WWP2: variants seen among roughly 807,000 people sequenced by gnomAD.
The protein encoded by WWP2 is WW domain containing E3 ubiquitin protein ligase 2.
WWP2 carries 57 observed loss-of-function variants against 121.0 expected under a neutral mutation model. The ratio of observed to expected loss-of-function variants is 0.47; its 90% CI spans 0.38 to 0.59. The LOEUF (loss-of-function observed/expected upper bound fraction) is 0.59. Ranked by LOEUF, WWP2 falls within the 20% of genes least tolerant of loss-of-function variation. The pLI is 0.00. For missense variants in WWP2, 962 were observed against 1,158.9 expected (o/e 0.83, Z 2.47); for synonymous variants, 449 against 441.3 (o/e 1.02, Z -0.22).
intron 8 of WWP2, among the ~76,000 whole-genome samples, chr16:69,889,394 G>C (rs964886239): frequency 1.3e-5 from 2 of 152,218 alleles, no homozygotes; most frequent in African/African-American, 4.8e-5. Context: ...AAGCCAAAGG[G>C]AAGTTCAAGT....
At chr16:69,880,944 T>C (rs2057817322) in intron 7 of WWP2, among the ~76,000 whole-genome samples, 1 of 152,216 alleles carries the variant, frequency 6.6e-6, no homozygotes, top group South Asian at 2.1e-4. Context: ...GGACTGGCAG[T>C]GTCTCTAGGA....
At chr16:69,791,288 C>T (rs1246739454) in intron 2 of WWP2, among the ~76,000 whole-genome samples, 3 of 151,030 alleles carry the variant, frequency 2.0e-5, no homozygotes, top group African/African-American at 7.3e-5. Context: ...AGTGCAGTGG[C>T]GTGATCTTGG....
At chr16:69,817,057 A>T (rs2056506500) in intron 4 of WWP2, among the ~76,000 whole-genome samples, 1 of 152,238 alleles carries the variant, frequency 6.6e-6, no homozygotes, top group Non-Finnish European at 1.5e-5. Context: ...TCTGTTATTC[A>T]GACCTAATCC....
In WWP2 at chr16:69,840,138, A is replaced by C. The variant is rs1466679267; in HGVS notation, c.353A>C (p.Gln118Pro). 6.2e-7 allele frequency: 1 copy of C among 1,614,248 alleles called. No individual in the cohort carries two copies. The highest frequency in any genetic ancestry group is 1.3e-5 in the African/African-American group (1 of 75,074). The change falls in exon 5 of 24, where the codon CAG becomes CCG. Residue 118 changes from glutamine to proline, a missense_variant. By Grantham distance (76) the Gln-to-Pro change is moderately conservative. Around this residue, in one of 3 missense-constraint regions of WWP2, gnomAD observed 145 missense variants for 189.8 expected, o/e 0.76. Coordinates refer to ENST00000359154, the MANE Select transcript of WWP2 (RefSeq NM_001270454.2). The stretch of plus-strand genomic sequence containing the variant: ...TTGTACCCCACAGTGGAGAACATGC[A>C]GCTGACCCTGAACCTGCAGACGGAG... Reference protein sequence around the residue: ...KNNGGKMENMQLTLNLQTENK... With the variant: ...KNNGGKMENMPLTLNLQTENK...
In WWP2 at chr16:69,917,385, A is replaced by G. The variant is rs944123792; in HGVS notation, c.1005-324A>G. 2.0e-5 allele frequency among the ~76,000 whole-genome samples: 3 copies of G among 152,222 alleles called. No individual in the cohort carries two copies. The East Asian group carries it at 5.8e-4, about 29-fold the overall frequency. On this transcript the variant is annotated intron_variant, in intron 9 of 23. Coordinates refer to ENST00000359154, the MANE Select transcript of WWP2 (RefSeq NM_001270454.2). ...AACTATTATTTTTCCTAGATTTGCT[A>G]GCAGATGTCCTGAGATTGGCTGTGG...
intron 6 of WWP2, among the ~76,000 whole-genome samples, chr16:69,854,204 G>A (rs1344952891): frequency 6.6e-6 from 1 of 152,236 alleles, no homozygotes; most frequent in African/African-American, 2.4e-5. Context: ...GAGTATGGGT[G>A]TTGGAGAAAT....
Position 69,939,112 on chromosome 16 carries a change from C to G in WWP2, c.2429C>G (p.Ala810Gly). The stretch of plus-strand genomic sequence containing the variant: ...TGCCGCCTGCCCGTCGGGGGATTTG[C>G]CGAACTCATCGGTATGTTTTCTCTC... ...GTCRLPVGGF[A>G]ELIGSNGPQK... The change falls in exon 22 of 24, where the codon GCC (alanine) becomes GGC (glycine). Residue 810 changes from alanine to glycine, a missense_variant. Coordinates refer to ENST00000359154, the MANE Select transcript of WWP2 (RefSeq NM_001270454.2). The G allele has an allele frequency of 6.3e-7, 1 of 1,599,612 alleles. No homozygotes were observed. The highest frequency in any genetic ancestry group is 1.1e-5 in the South Asian group (1 of 89,034).
chr16:69,940,220 C>T lies in WWP2; in HGVS notation c.*280C>T. The T allele has an allele frequency of 2.1e-6, 1 of 466,216 alleles. No homozygotes were observed. The highest frequency in any genetic ancestry group is 3.8e-5 in the East Asian group (1 of 26,440). The allele number at this position is 466,216 out of a possible 1,614,324, so 28.9% of individuals were successfully genotyped here. ...CCCTCTCTGCAAAACTCTCCCCTGT[C>T]CTCTAGACCCCACCCTGGGTGTATG... On this transcript the variant is annotated 3_prime_UTR_variant, in exon 24 of 24. Coordinates refer to ENST00000359154, the MANE Select transcript of WWP2 (RefSeq NM_001270454.2).
intron 4 of WWP2, among the ~76,000 whole-genome samples, chr16:69,835,140 G>C (rs1474783964): frequency 6.6e-6 from 1 of 152,090 alleles, no homozygotes; most frequent in Non-Finnish European, 1.5e-5. Flanking sequence ...TCTTGATTTT[G>C]AGCAATGCCT....
intron 10 of WWP2, among the ~76,000 whole-genome samples, chr16:69,923,448 A>G (rs1181340302): frequency 1.3e-5 from 2 of 152,192 alleles, no homozygotes; most frequent in Non-Finnish European, 2.9e-5. Flanking sequence ...GGATTCAGAA[A>G]AGGGCTGATC....
At chr16:69,793,464 C>T (rs2055957202) in intron 2 of WWP2, among the ~76,000 whole-genome samples, 1 of 152,120 alleles carries the variant, frequency 6.6e-6, no homozygotes, top group South Asian at 2.1e-4. Context: ...TCACTCAGAT[C>T]AGTCTTCCTG....
intron 2 of WWP2, among the ~76,000 whole-genome samples, chr16:69,797,545 T>C (rs2056072760): frequency 6.6e-6 from 1 of 152,126 alleles, no homozygotes; most frequent in African/African-American, 2.4e-5. Flanking sequence ...AGAGGGTCTT[T>C]AATAAGTACT....
At chr16:69,812,923 G>T (rs938726148) in intron 4 of WWP2, among the ~76,000 whole-genome samples, 2 of 152,164 alleles carry the variant, frequency 1.3e-5, no homozygotes, top group Non-Finnish European at 2.9e-5. Context: ...TTGAGACTGT[G>T]TAAATGTCTA....
chr16:69,797,331 G>A (rs1487581987), intron 2 of WWP2, among the ~76,000 whole-genome samples: 3 of 152,150 alleles, frequency 2.0e-5, no homozygotes, highest in Non-Finnish European at 4.4e-5. Flanking sequence ...GAACAAATAA[G>A]TAAAGTTCAA....
chr16:69,937,800 T>C lies in WWP2; in HGVS notation c.2343+148T>C, dbSNP rs2058822506. Reference sequence around the variant, plus strand: ...GCAAAAGGAGACGATAGACCAGCCTTGGGATGAACGGGGACAGTTCCAGCT... The same window carrying C: ...GCAAAAGGAGACGATAGACCAGCCTCGGGATGAACGGGGACAGTTCCAGCT... On this transcript the variant is annotated intron_variant, in intron 21 of 23. Transcript: ENST00000359154. This position sits in a 1 kb window ranked among gnomAD's most constrained non-coding sequence, Gnocchi z 6.6. The C allele has an allele frequency of 1.4e-6, 1 of 717,768 alleles. No individual in the cohort carries two copies. Among genetic ancestry groups the C allele is most frequent in the South Asian group, 1.8e-5 (1 of 55,478 alleles). The allele number at this position is 717,768 out of a possible 1,614,324, so 44.5% of individuals were successfully genotyped here.
At chr16:69,884,238 T>C (rs572125667) in intron 7 of WWP2, among the ~76,000 whole-genome samples, 3 of 152,352 alleles carry the variant, frequency 2.0e-5, no homozygotes, top group African/African-American at 7.2e-5. Context: ...TCTTAGAATG[T>C]TCCCATAGTA....
rs201160544 is a variant in WWP2, at chr16:69,840,175, C to T, written c.390C>T (p.Ser130=). The change falls in exon 5 of 24, where the codon AGC becomes AGT. Residue 130 remains serine (S), a synonymous_variant. Transcript: ENST00000359154. ...ACCTGCAGACGGAGAACAAAGGCAG[C>T]GTTGTCTCAGGCGGAGAGCTGACAA... The part of the protein sequence containing the change: ...TLNLQTENKG[S]VVSGGELTIF... 27 of 1,614,124 alleles carry T rather than the reference C, an allele frequency of 1.7e-5. No homozygotes were observed. The highest frequency in any genetic ancestry group is 6.7e-5 in the Admixed American group (4 of 60,010).
intron 10 of WWP2, among the ~76,000 whole-genome samples, chr16:69,923,571 G>A (rs137987086): frequency 6.6e-6 from 1 of 152,128 alleles, no homozygotes; most frequent in Non-Finnish European, 1.5e-5. Flanking sequence ...GTGGAAGCTG[G>A]GTTGGTACCA....
intron 1 of WWP2, among the ~76,000 whole-genome samples, chr16:69,764,058 T>C (rs2038675351): frequency 6.6e-6 from 1 of 152,224 alleles, no homozygotes; most frequent in Non-Finnish European, 1.5e-5. Context: ...ATGGTCAGTA[T>C]TGTCCCTATA....
Sources: allele counts gnomAD v4.1 joint callset (sites outside exome capture counted in the v4.1 genomes callset), GRCh38; gene constraint gnomAD v4.1.1; regional missense constraint gnomAD v4.1.1; non-coding constraint Gnocchi (gnomAD v3.1); transcripts MANE v1.5; gene names NCBI Gene and HGNC (gene_info 2026-07-23, HGNC 2026-07-21).